The following PTPRN2 variants were observed in gnomAD, a reference collection of about 807,000 sequenced individuals.
PTPRN2 encodes the protein receptor-type tyrosine-protein phosphatase N2.
In PTPRN2, 74 loss-of-function variants were observed where a neutral mutation model predicts 118.8. The ratio of observed to expected loss-of-function variants is 0.62; its 90% CI spans 0.52 to 0.76. The LOEUF (loss-of-function observed/expected upper bound fraction) is 0.76. PTPRN2 is among the 30% of genes least tolerant of loss of function. The pLI, the probability that PTPRN2 is intolerant of heterozygous loss-of-function variation, is 0.00. For synonymous variants in PTPRN2, 641 were observed against 608.0 expected, an observed-to-expected ratio of 1.05 and a Z score of -0.80; for missense variants, 1,481 against 1,394.4, an observed-to-expected ratio of 1.06 and a Z score of -0.99.
intron 3 of PTPRN2, among the ~76,000 whole-genome samples, chr7:158,225,324 G>GA (rs1828678600): frequency 6.6e-6 from 1 of 152,020 alleles, no homozygotes; most frequent in Non-Finnish European, 1.5e-5. Flanking sequence ...GGGAACCACC[G>GA]AGTCCCTCAG....
chr7:158,133,155 G>A (rs745724615), intron 9 of PTPRN2, among the ~76,000 whole-genome samples: 2 of 152,150 alleles, frequency 1.3e-5, no homozygotes, highest in Admixed American at 1.3e-4. Flanking sequence ...GGGCGCCCAC[G>A]CCAGGATATT....
chr7:158,384,037 A>G (rs1811149397), intron 2 of PTPRN2, among the ~76,000 whole-genome samples: 1 of 152,176 alleles, frequency 6.6e-6, no homozygotes, highest in South Asian at 2.1e-4. Flanking sequence ...ACAGAACTTT[A>G]AACTCTGCTT....
intron 2 of PTPRN2, among the ~76,000 whole-genome samples, chr7:158,389,808 C>T (rs966190698): frequency 6.6e-6 from 1 of 152,232 alleles, no homozygotes; most frequent in East Asian, 1.9e-4. Flanking sequence ...TTGTTCCTGG[C>T]CACATCTTAG....
intron 12 of PTPRN2, among the ~76,000 whole-genome samples, chr7:157,795,749 G>A (rs756184994): frequency 7.0e-4 from 106 of 152,336 alleles, no homozygotes; most frequent in Non-Finnish European, 1.1e-3. Flanking sequence ...GCCTGTGGAC[G>A]AGGCGGGAGG....
chr7:157,792,976 A>G (rs1389596522), intron 12 of PTPRN2, among the ~76,000 whole-genome samples: 6 of 152,238 alleles, frequency 3.9e-5, no homozygotes, highest in Non-Finnish European at 7.3e-5. Flanking sequence ...AAGGGACCCC[A>G]GTTTGGGATT....
chr7:158,421,578 C>T (rs756296844), intron 2 of PTPRN2, among the ~76,000 whole-genome samples: 5 of 152,184 alleles, frequency 3.3e-5, no homozygotes, highest in Non-Finnish European at 7.3e-5. Context: ...TAAATCTGAA[C>T]AGTGATAAGT....
At chr7:157,760,513 C>T (rs1403832048) in intron 12 of PTPRN2, among the ~76,000 whole-genome samples, 1 of 152,046 alleles carries the variant, frequency 6.6e-6, no homozygotes, top group Non-Finnish European at 1.5e-5. Flanking sequence ...ATGAGCAGAG[C>T]CAGTCCTTCC....
At chr7:157,565,129 G>A (rs1429925247) in intron 21 of PTPRN2, among the ~76,000 whole-genome samples, 4 of 152,212 alleles carry the variant, frequency 2.6e-5, no homozygotes, top group East Asian at 1.9e-4. Context: ...AAAGAAGAAC[G>A]GAAGTGATCC....
In PTPRN2 at chr7:158,281,023, G is replaced by C. The variant is rs538343163; in HGVS notation, c.277+35796C>G. On this transcript the variant is annotated intron_variant, in intron 3 of 22. Transcript: ENST00000389418. ...CACAGCTTCCATTTAAATCTTGAGGGCTGGGCGCAGTGGCTCACGCCTCTA... is the reference window on the plus strand; with the variant it reads ...CACAGCTTCCATTTAAATCTTGAGGCCTGGGCGCAGTGGCTCACGCCTCTA... Among the ~76,000 whole-genome samples the C allele has an allele frequency of 4.6e-5, 7 of 152,358 alleles. No individual in the cohort carries two copies. The South Asian group carries it at 8.3e-4, about 18-fold the overall frequency.
intron 13 of PTPRN2, among the ~76,000 whole-genome samples, chr7:157,668,662 C>T (rs1488429069): frequency 6.6e-6 from 1 of 152,176 alleles, no homozygotes; most frequent in African/African-American, 2.4e-5. Context: ...CAGAGGGCAA[C>T]ACACAGCAGA....
At chr7:158,406,807 T>G (rs1813482401) in intron 2 of PTPRN2, among the ~76,000 whole-genome samples, 1 of 152,246 alleles carries the variant, frequency 6.6e-6, no homozygotes, top group East Asian at 1.9e-4. Context: ...AGATTTGTGT[T>G]TCGGCTCATT....
At chr7:157,545,125 G>A (rs543609079) in intron 22 of PTPRN2, among the ~76,000 whole-genome samples, 33 of 149,964 alleles carry the variant, frequency 2.2e-4, no homozygotes, top group East Asian at 9.9e-4. Context: ...TGTGTGGGGT[G>A]TATGCATGGG....
chr7:157,811,363 C>G (rs185910465), intron 12 of PTPRN2, among the ~76,000 whole-genome samples: 4 of 123,342 alleles, frequency 3.2e-5, no homozygotes, highest in Admixed American at 3.2e-4. Context: ...TATATATGCA[C>G]ACACATGTAT....
chr7:157,709,586 A>G (rs1275079469), intron 12 of PTPRN2, among the ~76,000 whole-genome samples: 3 of 152,138 alleles, frequency 2.0e-5, no homozygotes, highest in African/African-American at 7.2e-5. Context: ...TCTGTCTTCT[A>G]TGGGGACTTC....
At chr7:157,887,502 A>AGTACGTGCTTCCCCCAGTACCCAACCCCC in intron 12 of PTPRN2, among the ~76,000 whole-genome samples, 1 of 18,724 alleles carries the variant, frequency 5.3e-5, no homozygotes, top group South Asian at 1.8e-3. Context: ...CCCACTCGTC[A>AGTACGTGCTTCCCCCAGTACCCAACCCCC]GTACCCACTC....
At chr7:157,880,251 T>C (rs1390537995) in intron 12 of PTPRN2, among the ~76,000 whole-genome samples, 1 of 152,244 alleles carries the variant, frequency 6.6e-6, no homozygotes, top group Non-Finnish European at 1.5e-5. Flanking sequence ...CCCTGTGATG[T>C]TGCTGCTGAA....
chr7:157,928,841 G>C (rs1329017906), intron 11 of PTPRN2, among the ~76,000 whole-genome samples: 1 of 126,918 alleles, frequency 7.9e-6, no homozygotes, highest in East Asian at 2.8e-4. Context: ...GGGAGAGAGG[G>C]CAGTGCAGAG....
intron 11 of PTPRN2, among the ~76,000 whole-genome samples, chr7:157,922,673 G>C (rs1798751638): frequency 6.6e-6 from 1 of 152,160 alleles, no homozygotes; most frequent in Non-Finnish European, 1.5e-5. Flanking sequence ...TCTGCAGTAA[G>C]GTTGGTTCTT....
rs1819025171 is a variant in PTPRN2, at chr7:158,138,277, C to A, written c.1132+17G>T. The A allele has an allele frequency of 6.2e-7, 1 of 1,609,680 alleles. No homozygotes were observed. Among genetic ancestry groups the A allele is most frequent in the African/African-American group, 1.3e-5 (1 of 75,000 alleles). The stretch of plus-strand genomic sequence containing the variant: ...CGCAGCACCCCTGGGTGTGGGCACC[C>A]ATGGCGCTGCAGTCACCTGGAAAGC... On this transcript the variant is annotated intron_variant, in intron 7 of 22. Transcript: ENST00000389418.
Sources: gnomAD v4.1 joint callset for allele counts (sites outside exome capture counted in the v4.1 genomes callset) on GRCh38, gnomAD v4.1.1 for gene constraint, MANE v1.5 for transcripts, NCBI Gene and HGNC (gene_info 2026-07-23, HGNC 2026-07-21) for gene names.